Variants in CFAP44 observed in about 807,000 individuals in gnomAD.
The protein encoded by CFAP44 is cilia and flagella associated protein 44.
CFAP44 carries 134 observed loss-of-function variants against 216.2 expected under a neutral mutation model. The observed-to-expected ratio is 0.62, with a 90% CI of 0.54 to 0.72. CFAP44 has a LOEUF of 0.72. Ranked by LOEUF, CFAP44 falls within the 30% of genes least tolerant of loss-of-function variation. The pLI is 0.00. For missense variants in CFAP44, 2,035 were observed against 2,182.1 expected, an observed-to-expected ratio of 0.93 and a Z score of 1.34; for synonymous variants, 700 against 727.6, an observed-to-expected ratio of 0.96 and a Z score of 0.61.
chr3:113,335,049 A>G (rs1181803393), intron 24 of CFAP44, among the ~76,000 whole-genome samples: 1 of 152,184 alleles, frequency 6.6e-6, no homozygotes, highest in African/African-American at 2.4e-5. Flanking sequence ...GAAAGGGAGA[A>G]AGGAAAGGAA....
At chr3:113,414,089 G>A (rs1428090477) in intron 6 of CFAP44, among the ~76,000 whole-genome samples, 1 of 152,102 alleles carries the variant, frequency 6.6e-6, no homozygotes, top group Non-Finnish European at 1.5e-5. Context: ...CTTGTTAGTT[G>A]TATTCCTAGG....
intron 24 of CFAP44, among the ~76,000 whole-genome samples, chr3:113,334,641 T>C (rs1950266950): frequency 6.6e-6 from 1 of 152,146 alleles, no homozygotes; most frequent in Non-Finnish European, 1.5e-5. Context: ...GCTAGATATA[T>C]TTAGCAAAAT....
intron 24 of CFAP44, among the ~76,000 whole-genome samples, chr3:113,339,633 G>C (rs1950312445): frequency 6.6e-6 from 1 of 152,156 alleles, no homozygotes; most frequent in Non-Finnish European, 1.5e-5. Flanking sequence ...TGTGCCTGTT[G>C]CCTGGCTTTG....
At chr3:113,350,997 G>A (rs1480357972) in intron 22 of CFAP44, among the ~76,000 whole-genome samples, 1 of 152,154 alleles carries the variant, frequency 6.6e-6, no homozygotes, top group African/African-American at 2.4e-5. Flanking sequence ...CCTCCTGGGC[G>A]ATTGAGGGAA....
intron 18 of CFAP44, among the ~76,000 whole-genome samples, chr3:113,372,482 G>A (rs1285214511): frequency 1.3e-5 from 2 of 152,194 alleles, no homozygotes; most frequent in Admixed American, 6.5e-5. Context: ...CACAAGGACA[G>A]AAAACCAAGC....
At chr3:113,403,801 G>C (rs1934202771) in intron 9 of CFAP44, 51 bp downstream of exon 9, 2 of 1,564,788 alleles carry the variant, frequency 1.3e-6, no homozygotes, top group African/African-American at 1.4e-5. Flanking sequence ...CTTTGGGTGA[G>C]CTACAAGTCT....
At chr3:113,350,208 CAA>C (rs1950429819) in intron 22 of CFAP44, among the ~76,000 whole-genome samples, 1 of 149,668 alleles carries the variant, frequency 6.7e-6, no homozygotes, top group South Asian at 2.1e-4. Flanking sequence ...GACAGAGAGA[CAA>C]AGACAGAGAG....
At chr3:113,409,640 A>G (rs1439255096) in intron 6 of CFAP44, among the ~76,000 whole-genome samples, 2 of 152,230 alleles carry the variant, frequency 1.3e-5, no homozygotes, top group Non-Finnish European at 2.9e-5. Context: ...GAGTGACTCC[A>G]TCTGGAATAG....
At chr3:113,345,677 C>A (rs907826402) in intron 22 of CFAP44, among the ~76,000 whole-genome samples, 1 of 152,172 alleles carries the variant, frequency 6.6e-6, no homozygotes, top group African/African-American at 2.4e-5. Flanking sequence ...AGCTCTTCAT[C>A]TATCAACTAA....
chr3:113,369,394 G>A (rs1933071138), intron 18 of CFAP44, among the ~76,000 whole-genome samples: 1 of 152,176 alleles, frequency 6.6e-6, no homozygotes, highest in Non-Finnish European at 1.5e-5. Context: ...AGACCACAGT[G>A]CAATCAAACT....
Position 113,304,064 on chromosome 3 carries a change from G to A in CFAP44, c.4929C>T (p.Val1643=). The change falls in exon 32 of 35, where the codon GTC becomes GTT. Residue 1643 remains valine (V), a synonymous_variant. Coordinates refer to ENST00000393845, the MANE Select transcript of CFAP44 (RefSeq NM_001164496.2). ...EIPSDLSGTL[V]FSNHALRRLQ... ...GCCGTCTCAAGGCATGGTTAGAGAAGACCAAAGTACCAGAAAGATCGCTAG... is the reference window on the plus strand; with the variant it reads ...GCCGTCTCAAGGCATGGTTAGAGAAAACCAAAGTACCAGAAAGATCGCTAG... 1 of 1,537,264 alleles carries A rather than the reference G, an allele frequency of 6.5e-7. No homozygotes were observed. The highest frequency in any genetic ancestry group is 8.7e-7 in the Non-Finnish European group (1 of 1,146,922).
At chr3:113,326,710 T>C (rs1950192320) in intron 27 of CFAP44, 70 bp from the exon 28 acceptor site, 2 of 934,312 alleles carry the variant, frequency 2.1e-6, no homozygotes, top group African/African-American at 1.7e-5. Context: ...CAATGTACTT[T>C]ACAATACAAG....
chr3:113,351,347 A>G lies in CFAP44; in HGVS notation c.3066-6635T>C, dbSNP rs993557623. On this transcript the variant is annotated intron_variant, in intron 22 of 34. Coordinates refer to ENST00000393845, the MANE Select transcript of CFAP44 (RefSeq NM_001164496.2). Reference sequence around the variant, plus strand: ...GTACCCCTCAAAGCTTAAGTCCATCAGCACAGAGCCATACAACTAATACCC... The same window carrying G: ...GTACCCCTCAAAGCTTAAGTCCATCGGCACAGAGCCATACAACTAATACCC... Among the ~76,000 whole-genome samples, 9 of 152,218 alleles carry G rather than the reference A, an allele frequency of 5.9e-5. No individual in the cohort carries two copies. The East Asian group carries it at 1.7e-3, about 29-fold the overall frequency.
In CFAP44 at chr3:113,287,654, T is replaced by C. The variant is rs925139734; in HGVS notation, c.*3903A>G. 2.6e-5 allele frequency: 4 copies of C among 152,300 alleles called. No individual in the cohort carries two copies. The highest frequency in any genetic ancestry group is 9.6e-5 in the African/African-American group (4 of 41,452). 9.4% of individuals were successfully genotyped at this position (152,300 alleles called of 1,614,324 possible). On this transcript the variant is annotated 3_prime_UTR_variant, in exon 35 of 35. Coordinates refer to ENST00000393845, the MANE Select transcript of CFAP44 (RefSeq NM_001164496.2). ...TGGATTCATGCAGAACACATTACCG[T>C]TTAGTCCACAAGGGAACCGTTGTAC...
intron 28 of CFAP44, among the ~76,000 whole-genome samples, chr3:113,309,888 C>T (rs1950022335): frequency 6.6e-6 from 1 of 152,246 alleles, no homozygotes. Flanking sequence ...CACAGAAAGC[C>T]TCAACAAAAG....
At position 113,366,148 on chromosome 3, in the gene CFAP44, T is replaced by C; in HGVS notation, c.2606A>G (p.Asp869Gly). The C allele has an allele frequency of 6.2e-7, 1 of 1,614,056 alleles. No individual in the cohort carries two copies. The highest frequency in any genetic ancestry group is 8.5e-7 in the Non-Finnish European group (1 of 1,179,982). ...GCIKSIANSF[D>G]DRFLVTAGAD... ...TCCAGCAGTCACCAAGAAACGATCA[T>C]CAAAGCTATTAGCAATACTTTTAAT... The change falls in exon 19 of 35, where the codon GAT (aspartate) becomes GGT (glycine). Residue 869 changes from aspartate to glycine, a missense_variant. Physicochemically the swap from Asp to Gly is moderately conservative, Grantham distance 94 (BLOSUM62 -1). Coordinates refer to ENST00000393845, the MANE Select transcript of CFAP44 (RefSeq NM_001164496.2).
In CFAP44 at chr3:113,304,072, T is replaced by C. The variant is rs1402852235; in HGVS notation, c.4921A>G (p.Thr1641Ala). Residue 1641 changes from threonine (T) to alanine (A), a missense_variant, in exon 32 of 35, where the codon ACT (threonine) becomes GCT (alanine). Around this residue, in one of 3 missense-constraint regions of CFAP44, gnomAD observed 1,883 missense variants for 2,023.7 expected, o/e 0.93. Transcript: ENST00000393845. ...FGEIPSDLSGTLVFSNHALRR... is the reference protein window; with the variant it reads ...FGEIPSDLSGALVFSNHALRR... Reference sequence around the variant, plus strand: ...AAGGCATGGTTAGAGAAGACCAAAGTACCAGAAAGATCGCTAGGTATTTCT... The same window carrying C: ...AAGGCATGGTTAGAGAAGACCAAAGCACCAGAAAGATCGCTAGGTATTTCT... The C allele has an allele frequency of 4.6e-6, 7 of 1,537,198 alleles. No homozygotes were observed. Among genetic ancestry groups the C allele is most frequent in the Admixed American group, 3.9e-5 (2 of 50,976 alleles).
chr3:113,411,130 G>A (rs530589039), intron 6 of CFAP44, among the ~76,000 whole-genome samples: 1 of 152,208 alleles, frequency 6.6e-6, no homozygotes, highest in South Asian at 2.1e-4. Flanking sequence ...CTTTTGCTGT[G>A]CAGAAGCTCT....
intron 22 of CFAP44, among the ~76,000 whole-genome samples, chr3:113,357,783 C>G (rs923685487): frequency 6.6e-6 from 1 of 152,100 alleles, no homozygotes; most frequent in African/African-American, 2.4e-5. Context: ...GAAAAACTGA[C>G]AGGATCTAAC....
Sources: gnomAD v4.1 joint callset for allele counts (sites outside exome capture counted in the v4.1 genomes callset) on GRCh38, gnomAD v4.1.1 for gene constraint, gnomAD v4.1.1 regional missense constraint, MANE v1.5 for transcripts, NCBI Gene and HGNC (gene_info 2026-07-23, HGNC 2026-07-21) for gene names.